ECE2: variants seen among roughly 807,000 people sequenced by gnomAD.
ECE2 encodes the protein endothelin converting enzyme 2.
ECE2 carries 81 observed loss-of-function variants against 100.6 expected under a neutral mutation model. The ratio of observed to expected loss-of-function variants is 0.81; its 90% CI spans 0.67 to 0.97. ECE2 has a LOEUF of 0.97. ECE2 is among the 50% of genes least tolerant of loss of function. The pLI is 0.00. For synonymous variants in ECE2, 391 were observed against 391.5 expected (o/e 1.00, Z 0.02); for missense variants, 911 against 988.1 (o/e 0.92, Z 1.05).
intron 10 of ECE2, among the ~76,000 whole-genome samples, chr3:184,287,275 C>CAAA (rs1371919169): frequency 2.0e-5 from 2 of 99,670 alleles, no homozygotes; most frequent in East Asian, 2.7e-4. Context: ...GACTCCATCT[C>CAAA]AAAAAAAAAA....
chr3:184,291,471 C>T lies in ECE2; in HGVS notation c.2121+32C>T. ...CCCTCTCGGAAGGCCTGGGGTCTGC[C>T]CCTTTGTCCTGCTCCCTCCTGAGTA... is the stretch of plus-strand genomic sequence containing the variant. On this transcript the variant is annotated intron_variant, in intron 18 of 18. Transcript: ENST00000404464. The surrounding 1 kb of genome is among the most constrained non-coding windows in gnomAD (Gnocchi z 4.1). 1 of 1,531,480 alleles carries T rather than the reference C, an allele frequency of 6.5e-7. No individual in the cohort carries two copies. Among genetic ancestry groups the T allele is most frequent in the Non-Finnish European group, 8.8e-7 (1 of 1,137,806 alleles). 94.9% of individuals were successfully genotyped at this position (1,531,480 alleles called of 1,614,324 possible).
Position 184,277,944 on chromosome 3 carries a change from C to T in ECE2, c.498C>T (p.Ser166=). 6.2e-7 allele frequency: 1 copy of T among 1,612,642 alleles called. No individual in the cohort carries two copies. Among genetic ancestry groups the T allele is most frequent in the Non-Finnish European group, 8.5e-7 (1 of 1,180,008 alleles). Reference sequence around the variant, plus strand: ...CCACAGAAAACACCACCTTCAACTCCAGCAGTGAAGCTGAGCAGAAGACAC... The same window carrying T: ...CCACAGAAAACACCACCTTCAACTCTAGCAGTGAAGCTGAGCAGAAGACAC... The part of the protein sequence containing the change: ...KHLLENTTFN[S]SSEAEQKTQR... The change falls in exon 5 of 19, where the codon TCC becomes TCT. Residue 166 remains serine (S), a synonymous_variant. Coordinates refer to ENST00000404464, the MANE Select transcript of ECE2 (RefSeq NM_001100121.2).
At chr3:184,280,978 CAAAAAAAAAA>C (rs879881453) in intron 7 of ECE2, among the ~76,000 whole-genome samples, 1 of 110,416 alleles carries the variant, frequency 9.1e-6, no homozygotes, top group Non-Finnish European at 1.9e-5. Context: ...GACTCTGTCT[CAAAAAAAAAA>C]AAAAGAAAGA....
intron 2 of ECE2, 93 bp downstream of exon 2, chr3:184,276,660 C>G: frequency 6.4e-7 from 1 of 1,568,026 alleles, no homozygotes; most frequent in Non-Finnish European, 8.6e-7. Context: ...GGAGGGTCAC[C>G]TGCCCCCACC....
chr3:184,287,596 G>T (rs765321182), intron 10 of ECE2, among the ~76,000 whole-genome samples: 1 of 152,190 alleles, frequency 6.6e-6, no homozygotes, highest in Non-Finnish European at 1.5e-5. Context: ...TCGAGAGGCT[G>T]AGGTGGGAGG....
intron 15 of ECE2, 38 bp downstream of exon 15, chr3:184,290,705 G>C: frequency 1.9e-6 from 3 of 1,613,012 alleles, no homozygotes; most frequent in Non-Finnish European, 2.5e-6. Flanking sequence ...GCTGGGGCCT[G>C]GGCCTGTGGT....
Position 184,284,951 on chromosome 3 carries a change from T to C in ECE2, c.1006-12T>C. 1 of 1,612,458 alleles carries C rather than the reference T, an allele frequency of 6.2e-7. No homozygotes were observed. The highest frequency in any genetic ancestry group is 8.5e-7 in the Non-Finnish European group (1 of 1,179,410). On this transcript the variant is annotated splice_polypyrimidine_tract_variant and intron_variant, in intron 8 of 18. Transcript: ENST00000404464. ...AGTCGGGCAGGCAAGGCCTGAGATT[T>C]TTTTCTTTCAGGCTCTGGCGCCCTC...
rs1343696851 is a variant in ECE2, at chr3:184,291,732, C to A, written c.2121+293C>A. 4 of 489,572 alleles carry A rather than the reference C, an allele frequency of 8.2e-6. No homozygotes were observed. The highest frequency in any genetic ancestry group is 1.4e-5 in the Non-Finnish European group (4 of 278,564). The allele number at this position is 489,572 out of a possible 1,614,324, so 30.3% of individuals were successfully genotyped here. A position where few individuals can be genotyped will look rare whatever the true frequency, so the allele number is the denominator to read the frequency against. Reference sequence around the variant, plus strand: ...GGTGGCGAAGGGGGCAAACGTTCATCCTCACGCTGTTCCTGTGAGGGAGAC... The same window carrying A: ...GGTGGCGAAGGGGGCAAACGTTCATACTCACGCTGTTCCTGTGAGGGAGAC... On this transcript the variant is annotated intron_variant, in intron 18 of 18. Transcript: ENST00000404464. The surrounding 1 kb of genome is among the most constrained non-coding windows in gnomAD (Gnocchi z 4.1).
At chr3:184,290,728 A>G (rs1577147810) in intron 15 of ECE2, 61 bp downstream of exon 15, 3 of 1,612,458 alleles carry the variant, frequency 1.9e-6, no homozygotes, top group East Asian at 4.5e-5. Flanking sequence ...AGCTGGGAGC[A>G]GGGCTGGAGG....
chr3:184,284,102 C>A, intron 8 of ECE2, 129 bp downstream of exon 8: 2 of 1,153,166 alleles, frequency 1.7e-6, no homozygotes, highest in South Asian at 1.5e-5. Context: ...CTGTGCTCCC[C>A]AGCTGCACTG....
rs370460271 is a variant in ECE2 at position 184,283,929 on chromosome 3, G to A, written c.961G>A (p.Asp321Asn). Residue 321 changes from aspartate (D) to asparagine (N), a missense_variant, in exon 8 of 19, where the codon GAC becomes AAC. Coordinates refer to ENST00000404464, the MANE Select transcript of ECE2 (RefSeq NM_001100121.2). ...CACAGTGCCCCAGGACCAGCGGCGC[G>A]ACGAGGAGAAGATCTACCACAAGAT... is the stretch of plus-strand genomic sequence containing the variant. ...NITVPQDQRR[D>N]EEKIYHKMSI... 5 of 1,613,980 alleles carry A rather than the reference G, an allele frequency of 3.1e-6. No individual in the cohort carries two copies. The highest frequency in any genetic ancestry group is 4.2e-6 in the Non-Finnish European group (5 of 1,179,998).
intron 14 of ECE2, 48 bp from the exon 15 acceptor site, chr3:184,290,509 A>C: frequency 6.3e-7 from 1 of 1,589,964 alleles, no homozygotes; most frequent in Non-Finnish European, 8.6e-7. Context: ...GGAGGGGAGC[A>C]GTGTCAGGAG....
chr3:184,278,734 C>A, intron 7 of ECE2, 177 bp downstream of exon 7: 1 of 639,490 alleles, frequency 1.6e-6, no homozygotes, highest in Admixed American at 3.0e-5. Context: ...CTTTCTTCCC[C>A]TTTTCCTTCC....
At chr3:184,287,341 A>T (rs1721102442) in intron 10 of ECE2, among the ~76,000 whole-genome samples, 1 of 150,398 alleles carries the variant, frequency 6.6e-6, no homozygotes. Flanking sequence ...GGGGTTAGGG[A>T]GATGGAGGAA....
chr3:184,286,614 C>T (rs748553537), intron 10 of ECE2, among the ~76,000 whole-genome samples: 1 of 151,464 alleles, frequency 6.6e-6, no homozygotes, highest in Non-Finnish European at 1.5e-5. Context: ...ACCAGCCTTG[C>T]CAACACGGTA....
At position 184,276,959 on chromosome 3, in the gene ECE2, G is replaced by A; in HGVS notation, c.194G>A (p.Gly65Asp). The A allele has an allele frequency of 6.2e-7, 1 of 1,614,176 alleles. No homozygotes were observed. The highest frequency in any genetic ancestry group is 8.5e-7 in the Non-Finnish European group (1 of 1,180,022). Residue 65 changes from glycine to aspartate, a missense_variant, in exon 3 of 19, where the codon GGT (glycine) becomes GAT (aspartate). Transcript: ENST00000404464. ...ACGCAGCTGGAGCTGGTCTTAGCAGGTGCCTCTCTACTGCTGGCTGCACTG... is the reference window on the plus strand; with the variant it reads ...ACGCAGCTGGAGCTGGTCTTAGCAGATGCCTCTCTACTGCTGGCTGCACTG... Reference protein sequence around the residue: ...SRTQLELVLAGASLLLAALLL... With the variant: ...SRTQLELVLADASLLLAALLL...
rs981536997 is a variant in ECE2, at chr3:184,290,999, A to T, written c.1835-41A>T. The stretch of plus-strand genomic sequence containing the variant: ...GGGGCACTGCTGCCCCCAAGAGACG[A>T]GCTCTGGTTTTGGTGGGGTGCAAAG... On this transcript the variant is annotated intron_variant, in intron 16 of 18. Coordinates refer to ENST00000404464, the MANE Select transcript of ECE2 (RefSeq NM_001100121.2). 5.1e-6 allele frequency: 8 copies of T among 1,555,298 alleles called. No individual in the cohort carries two copies. In the Admixed American group the frequency reaches 9.8e-5, roughly 19 times the overall value.
chr3:184,285,568 G>C lies in ECE2; in HGVS notation c.1239G>C (p.Leu413=). The C allele has an allele frequency of 6.2e-7, 1 of 1,614,124 alleles. No homozygotes were observed. Among genetic ancestry groups the C allele is most frequent in the Non-Finnish European group, 8.5e-7 (1 of 1,179,976 alleles). The change falls in exon 10 of 19, where the codon CTG becomes CTC. Residue 413 remains leucine (L), a synonymous_variant. Transcript: ENST00000404464. ...RRFESAQEKL[L]ETLYGTKKSC... The stretch of plus-strand genomic sequence containing the variant: ...TTGAGTCTGCACAAGAGAAGCTGCT[G>C]GAGACCCTCTATGGCACTAAGAAGG...
Position 184,289,295 on chromosome 3 carries a change from T to A in ECE2, c.1375-142T>A, listed in dbSNP as rs914747820. On this transcript the variant is annotated intron_variant, in intron 11 of 18. Transcript: ENST00000404464. This position sits in a 1 kb window ranked among gnomAD's most constrained non-coding sequence, Gnocchi z 4.1. ...TACAAATGGTGTTTCCTTCTCATCG[T>A]CTCCAGGTGCTCAGCCGTATTTCTT... The A allele has an allele frequency of 1.7e-5, 12 of 698,590 alleles. No homozygotes were observed. The highest frequency in any genetic ancestry group is 2.9e-5 in the Non-Finnish European group (12 of 410,888). The allele number at this position is 698,590 out of a possible 1,614,324, so 43.3% of individuals were successfully genotyped here.
Sources: gnomAD v4.1 joint callset for allele counts (sites outside exome capture counted in the v4.1 genomes callset) on GRCh38, gnomAD v4.1.1 for gene constraint, Gnocchi (gnomAD v3.1) non-coding constraint, MANE v1.5 for transcripts, NCBI Gene and HGNC (gene_info 2026-07-23, HGNC 2026-07-21) for gene names.